BCKDHB: variants seen among roughly 807,000 people sequenced by gnomAD.
BCKDHB encodes 2-oxoisovalerate dehydrogenase subunit beta, mitochondrial.
Under a neutral mutation model 48.5 loss-of-function variants are expected in BCKDHB, and 41 were observed. The observed-to-expected ratio is 0.85, with a 90% confidence interval of 0.66 to 1.10. The LOEUF (loss-of-function observed/expected upper bound fraction) is 1.10, where lower values mean the gene tolerates loss of function less well. BCKDHB is among the 50% of genes least tolerant of loss of function. The pLI is 0.00. For missense variants in BCKDHB, 496 were observed against 494.2 expected, an observed-to-expected ratio of 1.00 and a Z score of -0.03; for synonymous variants, 201 against 174.8, an observed-to-expected ratio of 1.15 and a Z score of -1.18.
chr6:80,416,128 C>A, the BCKDHB span, among the ~76,000 whole-genome samples: 1,199 of 151,748 alleles, frequency 7.9e-3, 18 homozygotes, highest in African/African-American at 0.028. Flanking sequence ...TCCCTCTTGT[C>A]ATTTCTGATG....
chr6:80,422,596 G>A, the BCKDHB span, among the ~76,000 whole-genome samples: 1 of 152,208 alleles, frequency 6.6e-6, no homozygotes, highest in African/African-American at 2.4e-5. Context: ...AGACACAGTA[G>A]TGCAGCTGCC....
chr6:80,265,753 T>C (rs762607503), intron 8 of BCKDHB, among the ~76,000 whole-genome samples: 3 of 152,088 alleles, frequency 2.0e-5, no homozygotes, highest in Non-Finnish European at 4.4e-5. Context: ...ACCTGAATGC[T>C]AAACTTGGAA....
At chr6:80,302,476 T>A (rs554341734) in intron 9 of BCKDHB, among the ~76,000 whole-genome samples, 3 of 152,288 alleles carry the variant, frequency 2.0e-5, no homozygotes, top group African/African-American at 4.8e-5. Flanking sequence ...ACATACCTTT[T>A]CCTTTTGCAA....
In BCKDHB at chr6:80,285,407, T is replaced by G. The variant is rs185777340; in HGVS notation, c.1038+12186T>G. On this transcript the variant is annotated intron_variant, in intron 9 of 9. Transcript: ENST00000320393. ...AATAAATTAAATGCAGTTTCAATTT[T>G]AATAAAACCCGTGTACTTTATAAAA... Among the ~76,000 whole-genome samples, 540 of 152,298 alleles carry G rather than the reference T, an allele frequency of 3.5e-3. 1 individual carries two copies. Among genetic ancestry groups the G allele is most frequent in the Non-Finnish European group, 4.4e-3 (302 of 68,024 alleles).
chr6:80,379,643 A>G, the BCKDHB span, among the ~76,000 whole-genome samples: 129 of 151,928 alleles, frequency 8.5e-4, 1 homozygote, highest in African/African-American at 3.1e-3. Flanking sequence ...ATTAGAAAAG[A>G]GGGTGTCCAA....
At chr6:80,163,469 TCTC>T (rs1402972384) in intron 3 of BCKDHB, among the ~76,000 whole-genome samples, 3 of 152,140 alleles carry the variant, frequency 2.0e-5, no homozygotes, top group Non-Finnish European at 4.4e-5. Flanking sequence ...GACAACACAT[TCTC>T]CTCCTGGTTT....
chr6:80,316,414 C>T (rs1307221254), intron 9 of BCKDHB, among the ~76,000 whole-genome samples: 3 of 151,424 alleles, frequency 2.0e-5, no homozygotes, highest in Non-Finnish European at 2.9e-5. Context: ...CCTTTTGCAT[C>T]GACTTTATTT....
intron 9 of BCKDHB, among the ~76,000 whole-genome samples, chr6:80,322,233 C>CT (rs1768768176): frequency 4.0e-5 from 4 of 100,228 alleles, no homozygotes; most frequent in Admixed American, 1.5e-4. Context: ...TTCTTTCTTT[C>CT]TTTTCTTTTT....
the BCKDHB span, among the ~76,000 whole-genome samples, chr6:80,436,173 T>TTTTTTG: frequency 7.3e-6 from 1 of 136,404 alleles, no homozygotes. Context: ...TTTTTTTTTT[T>TTTTTTG]GGCGGAGTCT....
the BCKDHB span, among the ~76,000 whole-genome samples, chr6:80,403,891 G>A: frequency 6.6e-6 from 1 of 151,868 alleles, no homozygotes; most frequent in Non-Finnish European, 1.5e-5. Flanking sequence ...ATTAATTTGT[G>A]TATGTTGAAT....
intron 9 of BCKDHB, among the ~76,000 whole-genome samples, chr6:80,298,490 C>A (rs1409613964): frequency 2.0e-5 from 3 of 152,170 alleles, no homozygotes; most frequent in African/African-American, 7.2e-5. Context: ...AATGTAACCT[C>A]CAAGTGCTCA....
At chr6:80,156,186 C>T (rs1480938697) in intron 3 of BCKDHB, among the ~76,000 whole-genome samples, 1 of 151,760 alleles carries the variant, frequency 6.6e-6, no homozygotes, top group Non-Finnish European at 1.5e-5. Flanking sequence ...TTACTGTCAA[C>T]GATAATCTTG....
the BCKDHB span, among the ~76,000 whole-genome samples, chr6:80,405,314 C>T: frequency 6.6e-6 from 1 of 152,050 alleles, no homozygotes; most frequent in Non-Finnish European, 1.5e-5. Flanking sequence ...TGACAGTTTT[C>T]ACTTAAAGTC....
intron 8 of BCKDHB, among the ~76,000 whole-genome samples, chr6:80,244,629 A>AG (rs1254532099): frequency 2.0e-5 from 3 of 152,210 alleles, no homozygotes; most frequent in Non-Finnish European, 4.4e-5. Flanking sequence ...CTATTGTAAT[A>AG]GTAACAGATA....
the BCKDHB span, among the ~76,000 whole-genome samples, chr6:80,385,056 G>T: frequency 2.6e-5 from 4 of 152,106 alleles, no homozygotes; most frequent in Non-Finnish European, 5.9e-5. Flanking sequence ...GCTCATGAGG[G>T]GCAAGAAGTT....
chr6:80,222,787 A>G (rs1346218199), intron 8 of BCKDHB, among the ~76,000 whole-genome samples: 1 of 152,232 alleles, frequency 6.6e-6, no homozygotes. Context: ...AGTAGGTAGA[A>G]GACTTCTAAG....
At chr6:80,352,064 GC>G in the BCKDHB span, among the ~76,000 whole-genome samples, 1 of 151,814 alleles carries the variant, frequency 6.6e-6, no homozygotes, top group Admixed American at 6.6e-5. Flanking sequence ...CAGGTGATCT[GC>G]CCGCCTCGGC....
chr6:80,464,164 G>T, the BCKDHB span, among the ~76,000 whole-genome samples: 1 of 152,130 alleles, frequency 6.6e-6, no homozygotes, highest in South Asian at 2.1e-4. Context: ...GTCTCACTCT[G>T]TCACCCAGGC....
At chr6:80,450,934 A>G in the BCKDHB span, among the ~76,000 whole-genome samples, 11 of 152,220 alleles carry the variant, frequency 7.2e-5, no homozygotes, top group African/African-American at 2.7e-4. Context: ...CACAAATATT[A>G]CAGTCAAAAG....
Sources: gnomAD v4.1 joint callset for allele counts (sites outside exome capture counted in the v4.1 genomes callset) on GRCh38, gnomAD v4.1.1 for gene constraint, MANE v1.5 for transcripts, NCBI Gene and HGNC (gene_info 2026-07-23, HGNC 2026-07-21) for gene names.